ART3: variants seen among roughly 807,000 people sequenced by gnomAD.
ART3 encodes ecto-ADP-ribosyltransferase 3.
Under a neutral mutation model 48.5 loss-of-function variants are expected in ART3, and 49 were observed. That is an observed-to-expected ratio of 1.01 (90% confidence interval 0.80 to 1.28). The LOEUF is 1.28. ART3 is among the 50% of genes most tolerant of loss of function. The pLI is 0.00. For missense variants in ART3, 438 were observed against 454.3 expected (o/e 0.96, Z 0.33); for synonymous variants, 145 against 157.2 (o/e 0.92, Z 0.58).
chr4:76,073,400 C>G (rs543663439), upstream of ART3, among the ~76,000 whole-genome samples: 6 of 152,194 alleles, frequency 3.9e-5, no homozygotes, highest in African/African-American at 1.4e-4. Context: ...TTTAAAAAAT[C>G]ATATTATTTC....
intron 1 of ART3, among the ~76,000 whole-genome samples, chr4:76,019,123 T>C (rs1732526387): frequency 6.6e-6 from 1 of 151,186 alleles, no homozygotes; most frequent in African/African-American, 2.4e-5. Flanking sequence ...ATAATAAGAT[T>C]CTTTGTGAAA....
At chr4:76,068,083 C>G (rs1719919089) in intron 1 of ART3, among the ~76,000 whole-genome samples, 1 of 152,124 alleles carries the variant, frequency 6.6e-6, no homozygotes, top group Non-Finnish European at 1.5e-5. Context: ...AATTGGGATA[C>G]ATATATATCT....
At chr4:76,058,896 T>A (rs1480287741) in intron 1 of ART3, among the ~76,000 whole-genome samples, 1 of 152,118 alleles carries the variant, frequency 6.6e-6, no homozygotes, top group Non-Finnish European at 1.5e-5. Context: ...CAGAGCTCTG[T>A]GTGGTGAAAG....
intron 6 of ART3, 81 bp from the exon 7 acceptor site, chr4:76,100,714 A>G (rs1394232901): frequency 1.7e-5 from 25 of 1,484,916 alleles, no homozygotes; most frequent in Non-Finnish European, 2.2e-5. Context: ...TATTTCTTGC[A>G]AATAATTTTG....
rs550429086 is a variant in ART3 at position 76,011,358 on chromosome 4, C to G, written c.-10+38C>G. 4 of 152,826 alleles carry G rather than the reference C, an allele frequency of 2.6e-5. No homozygotes were observed. In the East Asian group the frequency reaches 7.7e-4, roughly 29 times the overall value. The allele number at this position is 152,826 out of a possible 1,614,324, so 9.5% of individuals were successfully genotyped here. A position where few individuals can be genotyped will look rare whatever the true frequency, so the allele number is the denominator to read the frequency against. On this transcript the variant is annotated intron_variant, in intron 1 of 9. Transcript: ENST00000341029. The stretch of plus-strand genomic sequence containing the variant: ...CCTTCAGGATCTCTCCTCTCTGTCC[C>G]CTGAGCGGCCCGCAGCCTCCCCAGC...
rs113873724 is a variant in ART3, at chr4:76,082,058, A to G, written c.304A>G (p.Ile102Val). Residue 102 changes from isoleucine to valine, a missense_variant, in exon 3 of 12, where the codon ATT becomes GTT. This residue lies in a region of ART3 where 206 missense variants were observed against 205.3 expected (regional missense o/e 1.00). Transcript: ENST00000355810. The part of the protein sequence containing the change: ...DNHGIALMAY[I>V]SEAQEQTPFY... ...CCATGGAATAGCCCTGATGGCATAT[A>G]TTTCCGAAGCTCAAGAGCAAACTCC... 5.2e-4 allele frequency: 845 copies of G among 1,614,216 alleles called. 5 individuals carry two copies. The African/African-American group carries it at 0.01, about 19-fold the overall frequency.
At chr4:76,083,417 C>T (rs1722904957) in intron 3 of ART3, among the ~76,000 whole-genome samples, 4 of 152,148 alleles carry the variant, frequency 2.6e-5, no homozygotes, top group Admixed American at 2.6e-4. Flanking sequence ...TAACCCTCAT[C>T]TACCGTGTAT....
intron 3 of ART3, among the ~76,000 whole-genome samples, chr4:76,092,630 A>G (rs1424370669): frequency 6.6e-6 from 1 of 151,452 alleles, no homozygotes; most frequent in Admixed American, 6.6e-5. Flanking sequence ...TTTTTCATGT[A>G]TCTTGTGCTT....
upstream of ART3, among the ~76,000 whole-genome samples, chr4:76,072,428 G>C (rs1272949399): frequency 2.6e-5 from 4 of 152,020 alleles, no homozygotes; most frequent in Non-Finnish European, 5.9e-5. Context: ...CATACACTCA[G>C]ACATCCACTT....
At chr4:76,064,206 G>C (rs188815138) in intron 1 of ART3, among the ~76,000 whole-genome samples, 1 of 152,266 alleles carries the variant, frequency 6.6e-6, no homozygotes, top group East Asian at 1.9e-4. Flanking sequence ...ATTGGAAATA[G>C]AAGCACATTA....
At chr4:76,051,251 T>C (rs1736054274) in intron 1 of ART3, among the ~76,000 whole-genome samples, 1 of 152,016 alleles carries the variant, frequency 6.6e-6, no homozygotes, top group African/African-American at 2.4e-5. Flanking sequence ...CTGATGCTGT[T>C]TTTTAGAGGG....
At chr4:76,095,071 A>G (rs1159606881) in intron 3 of ART3, among the ~76,000 whole-genome samples, 1 of 152,132 alleles carries the variant, frequency 6.6e-6, no homozygotes, top group Non-Finnish European at 1.5e-5. Context: ...TTCTGGACCA[A>G]TTCTCTTATC....
chr4:76,104,992 G>C (rs1728151863), intron 10 of ART3, among the ~76,000 whole-genome samples: 1 of 152,220 alleles, frequency 6.6e-6, no homozygotes, highest in African/African-American at 2.4e-5. Flanking sequence ...GTCAATGGAA[G>C]CTGCGTGCTG....
chr4:76,048,607 C>T (rs772537824), intron 1 of ART3, among the ~76,000 whole-genome samples: 1 of 151,954 alleles, frequency 6.6e-6, no homozygotes, highest in Non-Finnish European at 1.5e-5. Context: ...ACAACCCCTG[C>T]CCAAGAACCC....
At chr4:76,065,639 A>G (rs2149490171) in intron 1 of ART3, among the ~76,000 whole-genome samples, 1 of 151,746 alleles carries the variant, frequency 6.6e-6, no homozygotes, top group Non-Finnish European at 1.5e-5. Context: ...TCTCTCACTG[A>G]AATAGGGGGA....
intron 3 of ART3, 129 bp downstream of exon 3, chr4:76,082,664 A>T: frequency 1.5e-6 from 1 of 682,808 alleles, no homozygotes; most frequent in Non-Finnish European, 2.3e-6. Context: ...AGCTTCTTTC[A>T]TACTATCTCT....
rs529660067 is a variant in ART3 at position 76,012,826 on chromosome 4, A to T, written c.-10+1506A>T. Among the ~76,000 whole-genome samples the T allele has an allele frequency of 3.3e-5, 5 of 152,332 alleles. No individual in the cohort carries two copies. In the East Asian group the frequency reaches 9.6e-4, roughly 29 times the overall value. On this transcript the variant is annotated intron_variant, in intron 1 of 9. Transcript: ENST00000341029. ...CTAACCTGGAGAAAAATTATCCTGA[A>T]AAGAAAACATGTTTATACTTAAAAT...
chr4:76,051,140 C>T (rs970586482), intron 1 of ART3, among the ~76,000 whole-genome samples: 6 of 152,362 alleles, frequency 3.9e-5, no homozygotes, highest in East Asian at 1.9e-4. Context: ...CCTCAAGTGC[C>T]GCCAAAGTGG....
chr4:76,043,693 C>G (rs71629030), intron 1 of ART3, among the ~76,000 whole-genome samples: 91,302 of 149,128 alleles, frequency 0.61, 29,281 homozygotes, highest in East Asian at 0.94. Context: ...GCAAGCTGAG[C>G]GAGCCAGCTC....
Sources: gnomAD v4.1 joint callset for allele counts (sites outside exome capture counted in the v4.1 genomes callset) on GRCh38, gnomAD v4.1.1 for gene constraint, gnomAD v4.1.1 regional missense constraint, MANE v1.5 for transcripts, NCBI Gene and HGNC (gene_info 2026-07-23, HGNC 2026-07-21) for gene names.